The following FNDC7 variants were observed in gnomAD, a reference collection of about 807,000 sequenced individuals.
FNDC7 encodes the protein fibronectin type III domain containing 7.
Under a neutral mutation model 74.2 loss-of-function variants are expected in FNDC7, and 66 were observed. The ratio of observed to expected loss-of-function variants is 0.89; its 90% confidence interval spans 0.73 to 1.09. The LOEUF is 1.09. Ranked by LOEUF, FNDC7 falls within the 50% of genes least tolerant of loss-of-function variation. FNDC7 has a pLI of 0.00. For missense variants in FNDC7, 829 were observed against 893.4 expected (o/e 0.93, Z 0.92); for synonymous variants, 307 against 330.2 (o/e 0.93, Z 0.76).
At chr1:108,732,746 CTTTCTTTCTGTCTG>C (rs1661419733) in intron 9 of FNDC7, among the ~76,000 whole-genome samples, 1 of 150,758 alleles carries the variant, frequency 6.6e-6, no homozygotes, top group Non-Finnish European at 1.5e-5. Flanking sequence ...TTTTTTCTTT[CTTTCTTTCTGTCTG>C]TCTTTCTTTC....
At chr1:108,738,554 TC>T (rs1661569597) in intron 11 of FNDC7, among the ~76,000 whole-genome samples, 1 of 22,366 alleles carries the variant, frequency 4.5e-5, no homozygotes, top group Non-Finnish European at 1.1e-4. Flanking sequence ...ACCCCACCCC[TC>T]CCCATTCAGA....
intron 8 of FNDC7, 116 bp downstream of exon 8, chr1:108,729,002 A>C: frequency 2.0e-5 from 27 of 1,319,988 alleles, no homozygotes; most frequent in Non-Finnish European, 2.4e-5. Flanking sequence ...CATTAAACTC[A>C]GAGACGTTTC....
rs368484889 is a variant in FNDC7 at position 108,728,874 on chromosome 1, C to A, written c.1612C>A (p.Pro538Thr). Residue 538 changes from proline (P) to threonine (T), a missense_variant, in exon 8 of 13, where the codon CCC becomes ACC. Transcript: ENST00000370017. ...ACGGAGCCTGCCCAGCTACAGTGTG[C>A]CCCTGGAAACAGGTATGTAGCAACC... ...AGRSLPSYSVPLETVPCCPTG... is the reference protein window; with the variant it reads ...AGRSLPSYSVTLETVPCCPTG... 5.6e-6 allele frequency: 9 copies of A among 1,613,736 alleles called. No individual in the cohort carries two copies. The African/African-American group carries it at 8.0e-5, about 14-fold the overall frequency.
intron 10 of FNDC7, among the ~76,000 whole-genome samples, chr1:108,736,803 G>A (rs1013475090): frequency 3.9e-5 from 6 of 152,068 alleles, no homozygotes; most frequent in African/African-American, 9.7e-5. Context: ...TTTTGGTTTT[G>A]TTTGTTTGCA....
intron 9 of FNDC7, among the ~76,000 whole-genome samples, chr1:108,732,252 G>A (rs375676706): frequency 1.1e-3 from 172 of 151,406 alleles, no homozygotes; most frequent in African/African-American, 4.0e-3. Context: ...CCAGCTACTC[G>A]GGAGGCTGAG....
chr1:108,738,602 C>T (rs1199161902), intron 11 of FNDC7, among the ~76,000 whole-genome samples: 1 of 120,958 alleles, frequency 8.3e-6, no homozygotes, highest in Non-Finnish European at 1.6e-5. Context: ...GTAAATGAAG[C>T]CTTCTTGCCC....
intron 11 of FNDC7, among the ~76,000 whole-genome samples, chr1:108,738,482 G>GA (rs955640967): frequency 2.0e-5 from 3 of 152,036 alleles, no homozygotes; most frequent in African/African-American, 4.8e-5. Context: ...GGGGCCTTAG[G>GA]AAAAAATCCC....
chr1:108,739,687 C>A (rs1410460981), intron 11 of FNDC7, among the ~76,000 whole-genome samples: 1 of 152,140 alleles, frequency 6.6e-6, no homozygotes, highest in Non-Finnish European at 1.5e-5. Flanking sequence ...AGGTCCTGGC[C>A]TAGTGAAGTG....
In FNDC7 at chr1:108,719,770, G is replaced by T. The variant is rs1018857036; in HGVS notation, c.598+721G>T. Among the ~76,000 whole-genome samples, 11 of 142,150 alleles carry T rather than the reference G, an allele frequency of 7.7e-5. No individual in the cohort carries two copies. In the East Asian group the frequency reaches 2.2e-3, roughly 29 times the overall value. 93.3% of individuals were successfully genotyped at this position (142,150 alleles called of 152,430 possible). ...TGAGAGAGAGAGAGAGAGAGAGAGA[G>T]AGAGAGAACGAGAGGGGGTGTTTTT... On this transcript the variant is annotated intron_variant, in intron 4 of 12. Coordinates refer to ENST00000370017, the MANE Select transcript of FNDC7 (RefSeq NM_001144937.3).
intron 1 of FNDC7, chr1:108,713,307 C>A (rs1334606681): frequency 1.6e-6 from 1 of 614,040 alleles, no homozygotes; most frequent in Non-Finnish European, 2.8e-6. Context: ...CCTCCAGCCT[C>A]TAAATTCTAT....
intron 9 of FNDC7, 89 bp from the exon 10 acceptor site, chr1:108,733,183 T>C: frequency 2.0e-6 from 3 of 1,504,432 alleles, no homozygotes; most frequent in Non-Finnish European, 2.7e-6. Flanking sequence ...CTAGTTTGCT[T>C]ATATTTTTTC....
intron 10 of FNDC7, 104 bp downstream of exon 10, chr1:108,733,636 A>T: frequency 2.1e-5 from 21 of 1,022,098 alleles, no homozygotes; most frequent in South Asian, 3.5e-5. Context: ...CACAGAGGGT[A>T]TAAAATTTCT....
rs140124392 is a variant in FNDC7, at chr1:108,729,654, G to A, written c.1624+768G>A. ...GTATTAAGTTGACTAATGCTGCAAA[G>A]CACTTAGCATAATGCCTGATGCACA... On this transcript the variant is annotated intron_variant, in intron 8 of 12. Coordinates refer to ENST00000370017, the MANE Select transcript of FNDC7 (RefSeq NM_001144937.3). 4.6e-3 allele frequency among the ~76,000 whole-genome samples: 701 copies of A among 152,246 alleles called. 2 individuals carry two copies. The highest frequency in any genetic ancestry group is 0.01 in the Admixed American group (160 of 15,292).
At chr1:108,733,712 A>C (rs1258980023) in intron 10 of FNDC7, among the ~76,000 whole-genome samples, 180 bp downstream of exon 10, 1 of 139,188 alleles carries the variant, frequency 7.2e-6, no homozygotes, top group South Asian at 2.2e-4. Flanking sequence ...GTGCAATGGC[A>C]TGATCTTGGC....
chr1:108,715,644 C>A (rs1478151483), intron 2 of FNDC7, among the ~76,000 whole-genome samples: 1 of 140,536 alleles, frequency 7.1e-6, no homozygotes, highest in Non-Finnish European at 1.6e-5. Flanking sequence ...TTGGCTCATA[C>A]ACAAACATGC....
chr1:108,742,112 G>C lies in FNDC7; in HGVS notation c.*225G>C. ...AGATCTGCTATGTGAGGACTCTGGAGAGAAATGAATCCAGAAAGTCCCCTG... is the reference window on the plus strand; with the variant it reads ...AGATCTGCTATGTGAGGACTCTGGACAGAAATGAATCCAGAAAGTCCCCTG... On this transcript the variant is annotated 3_prime_UTR_variant, in exon 13 of 13. Transcript: ENST00000370017. 2.5e-6 allele frequency: 1 copy of C among 393,864 alleles called. No individual in the cohort carries two copies. Among genetic ancestry groups the C allele is most frequent in the South Asian group, 3.0e-5 (1 of 32,888 alleles). 24.4% of individuals were successfully genotyped at this position (393,864 alleles called of 1,614,324 possible). A position where few individuals can be genotyped will look rare whatever the true frequency, so the allele number is the denominator to read the frequency against.
chr1:108,737,553 G>A (rs1008543584), intron 11 of FNDC7, 29 bp downstream of exon 11: 6 of 1,571,084 alleles, frequency 3.8e-6, no homozygotes, highest in African/African-American at 1.4e-5. Flanking sequence ...GGATAAAATA[G>A]AACAGGATTT....
At chr1:108,738,649 C>T (rs1570737688) in intron 11 of FNDC7, among the ~76,000 whole-genome samples, 1 of 149,886 alleles carries the variant, frequency 6.7e-6, no homozygotes, top group South Asian at 2.1e-4. Flanking sequence ...TCGGGGCTGG[C>T]TCCCCACCCA....
chr1:108,733,651 T>A (rs866776397), intron 10 of FNDC7, 119 bp downstream of exon 10: 212,122 of 545,696 alleles, frequency 0.39, 19,133 homozygotes, highest in South Asian at 0.43. Flanking sequence ...ATTTCTTTCT[T>A]TTTTTTTTTT....
Sources: gnomAD v4.1 joint callset for allele counts (sites outside exome capture counted in the v4.1 genomes callset) on GRCh38, gnomAD v4.1.1 for gene constraint, MANE v1.5 for transcripts, NCBI Gene and HGNC (gene_info 2026-07-23, HGNC 2026-07-21) for gene names.